The following HERC4 variants were observed in gnomAD, a reference collection of about 807,000 sequenced individuals.
HERC4 encodes the protein probable E3 ubiquitin-protein ligase HERC4.
Under a neutral mutation model 124.3 loss-of-function variants are expected in HERC4, and 28 were observed. The observed-to-expected ratio is 0.23, with a 90% CI of 0.17 to 0.31. The LOEUF (loss-of-function observed/expected upper bound fraction) is 0.31, where lower values mean the gene tolerates loss of function less well. HERC4 is among the 10% of genes least tolerant of loss of function. HERC4 has a pLI of 1.00. For missense variants in HERC4, 713 were observed against 1,229.3 expected (o/e 0.58, Z 6.28); for synonymous variants, 407 against 421.5 (o/e 0.97, Z 0.42).
Position 68,032,876 on chromosome 10 carries a change from A to T in HERC4, c.686-7T>A, listed in dbSNP as rs199570018. ...AAATTAGGAACATACCTATCTGAAA[A>T]TTCCAACAAGAGATGTTAATAGTAT... On this transcript the variant is annotated splice_polypyrimidine_tract_variant and splice_region_variant and intron_variant, in intron 6 of 24. Coordinates refer to ENST00000373700, the MANE Select transcript of HERC4 (RefSeq NM_015601.4). 14 of 1,367,776 alleles carry T rather than the reference A, an allele frequency of 1.0e-5. No individual in the cohort carries two copies. In the African/African-American group the frequency reaches 1.7e-4, roughly 17 times the overall value. The allele number at this position is 1,367,776 out of a possible 1,614,324, so 84.7% of individuals were successfully genotyped here.
chr10:68,073,342 T>C (rs1244361226), intron 2 of HERC4, among the ~76,000 whole-genome samples, 156 bp from the exon 3 acceptor site: 1 of 152,186 alleles, frequency 6.6e-6, no homozygotes, highest in Admixed American at 6.5e-5. Flanking sequence ...AACCAATCAG[T>C]TGTATTTTTT....
In HERC4 at chr10:67,925,163, A is replaced by G; in HGVS notation, c.2863T>C (p.Trp955Arg). The part of the protein sequence containing the change: ...EKNTEYKGEY[W>R]AEHPTIKIFW... ...ATTTTTATCGTAGGATGTTCTGCCC[A>G]ATATTCCCCTTTGTATTCTGTATTC... is the stretch of plus-strand genomic sequence containing the variant. Residue 955 changes from tryptophan to arginine, a missense_variant, in exon 24 of 25, where the codon TGG (tryptophan) becomes CGG (arginine). By Grantham distance (101) the Trp-to-Arg change is moderately radical (BLOSUM62 -3). Transcript: ENST00000373700. 6.3e-7 allele frequency: 1 copy of G among 1,596,988 alleles called. No homozygotes were observed. The highest frequency in any genetic ancestry group is 1.1e-5 in the South Asian group (1 of 90,600).
rs1424104723 is a variant in HERC4 at position 67,954,960 on chromosome 10, T to C, written c.2193+3A>G. 6.3e-7 allele frequency: 1 copy of C among 1,585,752 alleles called. No individual in the cohort carries two copies. The highest frequency in any genetic ancestry group is 1.4e-5 in the African/African-American group (1 of 72,806). Reference sequence around the variant, plus strand: ...AATTATACCACAGAAAATGTCAAATTACCTTGAGTGGCTTCTTGTAATCTA... The same window carrying C: ...AATTATACCACAGAAAATGTCAAATCACCTTGAGTGGCTTCTTGTAATCTA... On this transcript the variant is annotated splice_donor_region_variant and intron_variant, in intron 18 of 24. Coordinates refer to ENST00000373700, the MANE Select transcript of HERC4 (RefSeq NM_015601.4).
intron 3 of HERC4, among the ~76,000 whole-genome samples, chr10:68,059,888 C>CATA (rs752019817): frequency 0.038 from 2,192 of 57,826 alleles, 302 homozygotes; most frequent in South Asian, 0.062. Flanking sequence ...TATTATATAT[C>CATA]ATAATATTAT....
At chr10:68,048,834 A>AT in intron 3 of HERC4, among the ~76,000 whole-genome samples, 1 of 152,248 alleles carries the variant, frequency 6.6e-6, no homozygotes, top group Non-Finnish European at 1.5e-5. Context: ...AAGAAAGGGT[A>AT]TTTTTTAAAT....
chr10:68,001,294 C>G (rs1049397760), intron 9 of HERC4, among the ~76,000 whole-genome samples: 1 of 151,752 alleles, frequency 6.6e-6, no homozygotes, highest in Non-Finnish European at 1.5e-5. Flanking sequence ...ACTGCTTGAG[C>G]CTGGGAGGCT....
chr10:68,002,396 G>A (rs777774929), intron 9 of HERC4, among the ~76,000 whole-genome samples: 1 of 151,736 alleles, frequency 6.6e-6, no homozygotes, highest in Non-Finnish European at 1.5e-5. Context: ...TATATGAAAA[G>A]AAGGACATTT....
At chr10:68,061,029 A>G (rs898105351) in intron 3 of HERC4, among the ~76,000 whole-genome samples, 10 of 152,036 alleles carry the variant, frequency 6.6e-5, no homozygotes, top group African/African-American at 2.4e-4. Context: ...GACCGCTTTT[A>G]GCCTCACCTC....
intron 13 of HERC4, 47 bp from the exon 14 acceptor site, chr10:67,990,447 A>G: frequency 1.2e-6 from 1 of 840,262 alleles, no homozygotes; most frequent in African/African-American, 2.3e-5. Context: ...AAATGAATAC[A>G]CTTTCAAAGA....
intron 15 of HERC4, among the ~76,000 whole-genome samples, chr10:67,978,265 C>T (rs1038554177): frequency 1.3e-5 from 2 of 152,168 alleles, no homozygotes; most frequent in African/African-American, 2.4e-5. Flanking sequence ...ACTCCGTCTC[C>T]AAACACAAAC....
intron 15 of HERC4, among the ~76,000 whole-genome samples, chr10:67,972,435 C>T (rs761008260): frequency 6.9e-6 from 1 of 143,950 alleles, no homozygotes. Context: ...ACAGAAGAAT[C>T]GCTTGAATCC....
intron 3 of HERC4, among the ~76,000 whole-genome samples, chr10:68,054,974 G>A (rs1347532582): frequency 6.6e-6 from 1 of 152,146 alleles, no homozygotes. Flanking sequence ...CCAGGCTGGA[G>A]TGCAGTGGCA....
chr10:67,987,498 A>C (rs1464522213), intron 15 of HERC4, among the ~76,000 whole-genome samples: 1 of 152,180 alleles, frequency 6.6e-6, no homozygotes, highest in African/African-American at 2.4e-5. Context: ...CAAACAGTAC[A>C]CAGAAAGGTA....
intron 9 of HERC4, among the ~76,000 whole-genome samples, chr10:67,998,922 T>C (rs772181495): frequency 3.3e-5 from 5 of 152,104 alleles, no homozygotes; most frequent in Non-Finnish European, 5.9e-5. Context: ...ATATTTTTAG[T>C]AGAAACGGGG....
chr10:68,061,730 A>C (rs1000699602), intron 3 of HERC4, among the ~76,000 whole-genome samples: 1 of 151,048 alleles, frequency 6.6e-6, no homozygotes, highest in African/African-American at 2.4e-5. Flanking sequence ...AATACAAAAA[A>C]ATTAGCCGGG....
chr10:68,008,424 T>C (rs1320181371), intron 9 of HERC4, among the ~76,000 whole-genome samples: 1 of 152,182 alleles, frequency 6.6e-6, no homozygotes, highest in Non-Finnish European at 1.5e-5. Context: ...TTTTGTTGTT[T>C]TTATATGGGA....
In HERC4 at chr10:67,925,119, G is replaced by A. The variant is rs748768500; in HGVS notation, c.2907C>T (p.His969=). Reference sequence around the variant, plus strand: ...GTTTCTTCTTTTCCAATGGTAATTCGTGAAATACTTCCCAAAAAATTTTTA... The same window carrying A: ...GTTTCTTCTTTTCCAATGGTAATTCATGAAATACTTCCCAAAAAATTTTTA... The part of the protein sequence containing the change: ...PTIKIFWEVF[H]ELPLEKKKQF... Residue 969 remains histidine, a synonymous_variant, in exon 24 of 25, where the codon CAC becomes CAT. Transcript: ENST00000373700. The A allele has an allele frequency of 8.1e-6, 13 of 1,602,128 alleles. No homozygotes were observed. The East Asian group carries it at 1.8e-4, about 22-fold the overall frequency.
intron 4 of HERC4, chr10:68,039,894 G>A (rs2039675203): frequency 4.0e-6 from 4 of 990,894 alleles, no homozygotes; most frequent in South Asian, 8.7e-5. Flanking sequence ...TTTTGCAAAT[G>A]AAACATTTCA....
chr10:68,069,414 C>T (rs2041460404), intron 3 of HERC4: 1 of 985,042 alleles, frequency 1.0e-6, no homozygotes, highest in Non-Finnish European at 1.2e-6. Context: ...AAAGGACATA[C>T]ATATACAAGA....
Sources: allele counts gnomAD v4.1 joint callset (sites outside exome capture counted in the v4.1 genomes callset), GRCh38; gene constraint gnomAD v4.1.1; transcripts MANE v1.5; gene names NCBI Gene and HGNC (gene_info 2026-07-23, HGNC 2026-07-21).